Variants in ABCC2 observed in about 807,000 individuals in gnomAD.
The protein encoded by ABCC2 is ATP binding cassette subfamily C member 2.
ABCC2 carries 157 observed loss-of-function variants against 173.4 expected under a neutral mutation model. That is an observed-to-expected ratio of 0.91 (90% CI 0.80 to 1.03). ABCC2 has a LOEUF of 1.03. ABCC2 is among the 50% of genes least tolerant of loss of function. The pLI is 0.00. For synonymous variants in ABCC2, 657 were observed against 693.5 expected (o/e 0.95, Z 0.83); for missense variants, 1,822 against 1,852.3 (o/e 0.98, Z 0.30).
Position 99,799,309 on chromosome 10 carries a change from A to G in ABCC2, c.970A>G (p.Lys324Glu). ...CAAAACTTTCTACATGGTGCTCCTGAAATCATTCCTACTGAAGCTAGTGAA... is the reference window on the plus strand; with the variant it reads ...CAAAACTTTCTACATGGTGCTCCTGGAATCATTCCTACTGAAGCTAGTGAA... The part of the protein sequence containing the change: ...LFKTFYMVLL[K>E]SFLLKLVNDI... The change falls in exon 8 of 32, where the codon AAA becomes GAA. Residue 324 changes from lysine (K) to glutamate (E), a missense_variant. Physicochemically the swap from Lys to Glu is moderately conservative, Grantham distance 56 (BLOSUM62 1). Coordinates refer to ENST00000647814, the MANE Select transcript of ABCC2 (RefSeq NM_000392.5). 6.2e-7 allele frequency: 1 copy of G among 1,614,194 alleles called. No homozygotes were observed. The highest frequency in any genetic ancestry group is 8.5e-7 in the Non-Finnish European group (1 of 1,180,030).
In ABCC2 at chr10:99,800,366, A is replaced by G. The variant is rs773530515; in HGVS notation, c.1032-20A>G. The G allele has an allele frequency of 6.2e-7, 1 of 1,613,976 alleles. No homozygotes were observed. Among genetic ancestry groups the G allele is most frequent in the Non-Finnish European group, 8.5e-7 (1 of 1,179,980 alleles). ...CTTGGAGGCCTTATGGGTATAACTA[A>G]CTTGGCTTTTCTCTGGCAGATTGCT... On this transcript the variant is annotated intron_variant, in intron 8 of 31. Transcript: ENST00000647814.
intron 9 of ABCC2, among the ~76,000 whole-genome samples, chr10:99,801,832 A>G (rs187860248): frequency 6.6e-6 from 1 of 152,276 alleles, no homozygotes; most frequent in East Asian, 1.9e-4. Context: ...TAGAAACACC[A>G]CTGTGTCTTT....
At chr10:99,805,591 C>T in intron 11 of ABCC2, 144 bp downstream of exon 11, 5 of 811,914 alleles carry the variant, frequency 6.2e-6, no homozygotes, top group Admixed American at 1.8e-5. Flanking sequence ...TCCTCCTGTC[C>T]CTCTCAGGTC....
chr10:99,792,169 C>T (rs1301554663), intron 2 of ABCC2, 65 bp from the exon 3 acceptor site: 1 of 1,606,180 alleles, frequency 6.2e-7, no homozygotes, highest in African/African-American at 1.3e-5. Context: ...CACCGGAAAC[C>T]ATTCTGTTCT....
At chr10:99,826,933 C>T (rs2038651352) in intron 19 of ABCC2, among the ~76,000 whole-genome samples, 2 of 151,742 alleles carry the variant, frequency 1.3e-5, no homozygotes, top group Admixed American at 1.3e-4. Context: ...CCCTCTTGGG[C>T]TCCTTCTCCA....
At chr10:99,797,740 G>C (rs2037943748) in intron 7 of ABCC2, 1 of 259,462 alleles carries the variant, frequency 3.9e-6, no homozygotes, top group African/African-American at 2.2e-5. Context: ...AAAATATGTA[G>C]TAAGCCCATA....
chr10:99,823,584 T>A (rs1437322211), intron 19 of ABCC2, among the ~76,000 whole-genome samples: 5 of 144,692 alleles, frequency 3.5e-5, no homozygotes, highest in Admixed American at 7.0e-5. Flanking sequence ...AGCCGATTGA[T>A]GTGGAGTTTT....
chr10:99,847,163 G>T, intron 30 of ABCC2, 36 bp downstream of exon 30: 2 of 1,612,368 alleles, frequency 1.2e-6, no homozygotes, highest in South Asian at 2.2e-5. Context: ...TGCAGGCAAT[G>T]AGAGGATGTG....
intron 1 of ABCC2, among the ~76,000 whole-genome samples, chr10:99,784,034 G>A (rs974576196): frequency 1.6e-5 from 2 of 125,734 alleles, no homozygotes; most frequent in Non-Finnish European, 1.5e-5. Flanking sequence ...TCCATTTATC[G>A]CAGAATGCAA....
chr10:99,834,326 A>T lies in ABCC2; in HGVS notation c.3259-54A>T. 12 of 1,573,032 alleles carry T rather than the reference A, an allele frequency of 7.6e-6. No individual in the cohort carries two copies. In the South Asian group the frequency reaches 1.2e-4, roughly 16 times the overall value. On this transcript the variant is annotated intron_variant, in intron 23 of 31. Transcript: ENST00000647814. ...TCCTTGCTAGAACTAGGAAGATGTAAACTATCTTAGGAAGACCTCAGTGAT... is the reference window on the plus strand; with the variant it reads ...TCCTTGCTAGAACTAGGAAGATGTATACTATCTTAGGAAGACCTCAGTGAT...
At chr10:99,814,281 G>A (rs376852345) in intron 16 of ABCC2, among the ~76,000 whole-genome samples, 915 of 43,060 alleles carry the variant, frequency 0.021, 146 homozygotes, top group African/African-American at 0.058. Context: ...ACACACGTAT[G>A]TATACACACA....
At chr10:99,794,027 A>G in intron 5 of ABCC2, 28 bp downstream of exon 5, 3 of 1,539,096 alleles carry the variant, frequency 1.9e-6, no homozygotes, top group Non-Finnish European at 2.7e-6. Context: ...CCCATCTCAT[A>G]TATTACTTAA....
At position 99,836,112 on chromosome 10, in the gene ABCC2, C is replaced by T. The variant is rs377550597; in HGVS notation, c.3436C>T (p.Arg1146Cys). The change falls in exon 25 of 32, where the codon CGC becomes TGC. Residue 1146 changes from arginine (R) to cysteine (C), a missense_variant. By Grantham distance (180) the Arg-to-Cys change is radical (BLOSUM62 -3). Transcript: ENST00000647814. ...CCAGATGTTTTATGTGTCTACCTCC[C>T]GCCAGCTGAGGCGTCTGGACTCTGT... is the stretch of plus-strand genomic sequence containing the variant. ...SVQMFYVSTSRQLRRLDSVTR... is the reference protein window; with the variant it reads ...SVQMFYVSTSCQLRRLDSVTR... 4.0e-5 allele frequency: 65 copies of T among 1,613,908 alleles called. No homozygotes were observed. In the East Asian group the frequency reaches 4.9e-4, roughly 12 times the overall value.
chr10:99,784,929 C>T (rs905010750), intron 2 of ABCC2, 148 bp downstream of exon 2: 21 of 958,794 alleles, frequency 2.2e-5, no homozygotes, highest in African/African-American at 1.8e-4. Context: ...GTTTCCCTCA[C>T]GGGTCCCTTG....
At chr10:99,798,966 A>G (rs559469772) in intron 7 of ABCC2, among the ~76,000 whole-genome samples, 1 of 152,280 alleles carries the variant, frequency 6.6e-6, no homozygotes, top group African/African-American at 2.4e-5. Context: ...CTCTTTTTAC[A>G]TGGGACTCTT....
Position 99,810,217 on chromosome 10 carries a change from T to A in ABCC2, c.1899T>A (p.Phe633Leu). The A allele has an allele frequency of 6.2e-7, 1 of 1,613,146 alleles. No homozygotes were observed. Among genetic ancestry groups the A allele is most frequent in the Non-Finnish European group, 8.5e-7 (1 of 1,179,194 alleles). ...DTSAIRHDCN[F>L]DKAMQFSEAS... ...CTGCCATTCGACATGACTGCAATTT[T>A]GGTAAATAAATTTGGAAGTTGCTTC... is the stretch of plus-strand genomic sequence containing the variant. The change falls in exon 14 of 32, where the codon TTT (phenylalanine) becomes TTA (leucine). Residue 633 changes from phenylalanine (F) to leucine (L), a missense_variant and splice_region_variant. By Grantham distance (22) the Phe-to-Leu change is conservative. Coordinates refer to ENST00000647814, the MANE Select transcript of ABCC2 (RefSeq NM_000392.5).
chr10:99,789,253 A>G (rs2037771524), intron 2 of ABCC2: 1 of 152,266 alleles, frequency 6.6e-6, no homozygotes, highest in Non-Finnish European at 1.5e-5. Context: ...AGGAAGGAAG[A>G]TGAGAGAGCC....
intron 2 of ABCC2, chr10:99,788,584 C>A (rs962916665): frequency 2.6e-5 from 4 of 152,632 alleles, no homozygotes; most frequent in African/African-American, 9.6e-5. Flanking sequence ...GCTGCATGTT[C>A]ATGGAGTAAT....
At chr10:99,841,832 T>C (rs1257930343) in intron 25 of ABCC2, 135 bp from the exon 26 acceptor site, 17 of 1,152,174 alleles carry the variant, frequency 1.5e-5, no homozygotes, top group Non-Finnish European at 2.2e-5. Context: ...TGTTTCTAAG[T>C]CAAATTGAGG....
Sources: allele counts gnomAD v4.1 joint callset (sites outside exome capture counted in the v4.1 genomes callset), GRCh38; gene constraint gnomAD v4.1.1; transcripts MANE v1.5; gene names NCBI Gene and HGNC (gene_info 2026-07-23, HGNC 2026-07-21).